The following LRP1B variants were observed in gnomAD, a reference collection of about 807,000 sequenced individuals.
The protein encoded by LRP1B is LDL receptor related protein 1B, also known as low-density lipoprotein receptor-related protein 1B.
In LRP1B, 217 loss-of-function variants were observed where a neutral mutation model predicts 556.6. The ratio of observed to expected loss-of-function variants is 0.39; its 90% CI spans 0.35 to 0.44. The LOEUF (loss-of-function observed/expected upper bound fraction) is 0.44, where lower values mean the gene tolerates loss of function less well. Ranked by LOEUF, LRP1B falls within the 20% of genes least tolerant of loss-of-function variation. The pLI is 1.00. For synonymous variants in LRP1B, 2,047 were observed against 1,865.8 expected (o/e 1.10, Z -2.50); for missense variants, 5,053 against 5,620.8 (o/e 0.90, Z 3.23).
intron 2 of LRP1B, among the ~76,000 whole-genome samples, chr2:141,609,298 T>A (rs2105319739): frequency 6.6e-6 from 1 of 152,304 alleles, no homozygotes; most frequent in African/African-American, 2.4e-5. Flanking sequence ...AAGACAGTAA[T>A]GTGAGGACTG....
intron 3 of LRP1B, among the ~76,000 whole-genome samples, chr2:141,260,929 G>A (rs1327821494): frequency 1.3e-5 from 2 of 151,916 alleles, no homozygotes. Flanking sequence ...GTGCAAAAAT[G>A]CCTTTTATCC....
chr2:141,431,479 C>A (rs755578721), intron 3 of LRP1B, among the ~76,000 whole-genome samples: 4 of 152,126 alleles, frequency 2.6e-5, no homozygotes, highest in Admixed American at 6.6e-5. Flanking sequence ...ACAGTCCTTG[C>A]AACTGTATAA....
At chr2:140,786,714 A>G (rs531589130) in intron 32 of LRP1B, among the ~76,000 whole-genome samples, 1 of 152,320 alleles carries the variant, frequency 6.6e-6, no homozygotes, top group African/African-American at 2.4e-5. Flanking sequence ...TTGAACTGAC[A>G]GATATGGCCC....
At chr2:140,437,387 C>T (rs1046614406) in intron 66 of LRP1B, among the ~76,000 whole-genome samples, 6 of 152,122 alleles carry the variant, frequency 3.9e-5, no homozygotes, top group Admixed American at 6.6e-5. Flanking sequence ...CCAGCACACC[C>T]GCTTCATTCA....
chr2:142,025,746 C>CTG (rs1199995972), intron 1 of LRP1B, among the ~76,000 whole-genome samples: 1 of 152,058 alleles, frequency 6.6e-6, no homozygotes, highest in Admixed American at 6.6e-5. Flanking sequence ...AAATTTCACA[C>CTG]TGTGTGTGTG....
At chr2:140,281,707 A>T (rs1682918399) in intron 84 of LRP1B, among the ~76,000 whole-genome samples, 1 of 151,854 alleles carries the variant, frequency 6.6e-6, no homozygotes, top group South Asian at 2.1e-4. Context: ...AACAAATTAA[A>T]AGTAGGATGG....
intron 7 of LRP1B, among the ~76,000 whole-genome samples, chr2:141,068,493 A>ATGCAAAT (rs1380815031): frequency 6.8e-6 from 1 of 147,426 alleles, no homozygotes; most frequent in Non-Finnish European, 1.5e-5. Flanking sequence ...TAATCTTATT[A>ATGCAAAT]TGCAAATTGG....
chr2:140,345,194 T>C (rs1271924763), intron 77 of LRP1B, among the ~76,000 whole-genome samples: 1 of 151,758 alleles, frequency 6.6e-6, no homozygotes, highest in East Asian at 1.9e-4. Flanking sequence ...ATCAAAAATA[T>C]CTCCAGACAT....
intron 2 of LRP1B, among the ~76,000 whole-genome samples, chr2:141,544,378 T>TCTTCTTCTTCTTCTTCTTCTTCTCCTC (rs1559131523): frequency 9.0e-6 from 1 of 111,136 alleles, no homozygotes; most frequent in African/African-American, 3.1e-5. Flanking sequence ...TTCTTCTTCT[T>TCTTCTTCTTCTTCTTCTTCTTCTCCTC]CTTCTCCTCC....
At chr2:141,906,970 T>G (rs1574482107) in intron 1 of LRP1B, among the ~76,000 whole-genome samples, 1 of 152,142 alleles carries the variant, frequency 6.6e-6, no homozygotes, top group African/African-American at 2.4e-5. Flanking sequence ...TTTGGCAAAC[T>G]TTAGAAAATA....
At chr2:141,970,887 A>C (rs1178108625) in intron 1 of LRP1B, among the ~76,000 whole-genome samples, 1 of 151,554 alleles carries the variant, frequency 6.6e-6, no homozygotes, top group Non-Finnish European at 1.5e-5. Context: ...TCATGACCAC[A>C]GTCTTTTTCT....
chr2:140,351,062 C>T (rs773756156), intron 76 of LRP1B, 24 bp from the exon 77 acceptor site: 3 of 1,454,138 alleles, frequency 2.1e-6, no homozygotes, highest in Admixed American at 2.3e-5. Context: ...TAATAAAATA[C>T]AAAAATAAAG....
At chr2:141,735,704 T>G (rs1693439212) in intron 2 of LRP1B, among the ~76,000 whole-genome samples, 1 of 152,088 alleles carries the variant, frequency 6.6e-6, no homozygotes, top group Admixed American at 6.6e-5. Context: ...CAGAGCTTTA[T>G]TTATGGTGGG....
chr2:141,551,881 G>C (rs1225764642), intron 2 of LRP1B, among the ~76,000 whole-genome samples: 1 of 151,944 alleles, frequency 6.6e-6, no homozygotes, highest in East Asian at 1.9e-4. Flanking sequence ...ATATTCCTCA[G>C]TTTCTTTTTA....
At chr2:141,665,421 A>C (rs1690391050) in intron 2 of LRP1B, among the ~76,000 whole-genome samples, 1 of 152,214 alleles carries the variant, frequency 6.6e-6, no homozygotes, top group African/African-American at 2.4e-5. Flanking sequence ...TTACAAAGTC[A>C]AGAAATAATA....
At chr2:140,574,202 G>A (rs991915521) in intron 43 of LRP1B, among the ~76,000 whole-genome samples, 2 of 151,930 alleles carry the variant, frequency 1.3e-5, no homozygotes, top group African/African-American at 4.8e-5. Context: ...ATTTAATATT[G>A]TCCACATCAT....
chr2:140,622,418 T>C (rs1021024740), intron 41 of LRP1B, among the ~76,000 whole-genome samples: 2 of 152,220 alleles, frequency 1.3e-5, no homozygotes, highest in Non-Finnish European at 2.9e-5. Flanking sequence ...TTTACCTTTG[T>C]GGAAACTGCC....
chr2:140,769,588 T>C (rs1311693118), intron 34 of LRP1B, among the ~76,000 whole-genome samples: 1 of 151,972 alleles, frequency 6.6e-6, no homozygotes, highest in Admixed American at 6.6e-5. Context: ...AATGAATTAG[T>C]GGGCCCCATC....
chr2:142,024,582 T>C (rs562450230), intron 1 of LRP1B, among the ~76,000 whole-genome samples: 1 of 152,072 alleles, frequency 6.6e-6, no homozygotes, highest in Non-Finnish European at 1.5e-5. Flanking sequence ...CTTCCTTCAA[T>C]TTTCTGGTAG....
Sources: allele counts gnomAD v4.1 joint callset (sites outside exome capture counted in the v4.1 genomes callset), GRCh38; gene constraint gnomAD v4.1.1; transcripts MANE v1.5; gene names NCBI Gene and HGNC (gene_info 2026-07-23, HGNC 2026-07-21).